Variants in MEIS2 observed in about 807,000 individuals in gnomAD.
MEIS2 encodes the protein Meis homeobox 2.
MEIS2 carries 9 observed loss-of-function variants against 58.6 expected under a neutral mutation model. That is an observed-to-expected ratio of 0.15 (90% confidence interval 0.09 to 0.27). MEIS2 has a LOEUF of 0.27. MEIS2 is among the 10% of genes least tolerant of loss of function. The pLI, the probability that MEIS2 is intolerant of heterozygous loss-of-function variation, is 1.00. For missense variants in MEIS2, 427 were observed against 635.0 expected (o/e 0.67, Z 3.52); for synonymous variants, 221 against 228.4 (o/e 0.97, Z 0.29).
At chr15:36,899,120 A>G (rs961042718) in intron 9 of MEIS2, among the ~76,000 whole-genome samples, 1 of 152,236 alleles carries the variant, frequency 6.6e-6, no homozygotes, top group Non-Finnish European at 1.5e-5. Flanking sequence ...TTCTCAAACA[A>G]TGTTTTTGAT....
intron 7 of MEIS2, among the ~76,000 whole-genome samples, chr15:37,058,785 G>A (rs796794674): frequency 1.3e-5 from 2 of 152,130 alleles, no homozygotes; most frequent in Non-Finnish European, 2.9e-5. Flanking sequence ...CTTTTACTGG[G>A]CATATTATGA....
chr15:37,067,970 T>C (rs1890182134), intron 7 of MEIS2, among the ~76,000 whole-genome samples: 1 of 152,154 alleles, frequency 6.6e-6, no homozygotes, highest in African/African-American at 2.4e-5. Context: ...CTATTATTAT[T>C]ATTCACATTT....
In MEIS2 at chr15:37,098,920, C is replaced by G. The variant is rs189325881; in HGVS notation, c.12+535G>C. ...AGTTACCAGAAACATTATTTAGCAG[C>G]GGATTCCCTGCGTCCTTGTCAATTT... On this transcript the variant is annotated intron_variant, in intron 1 of 11. Transcript: ENST00000561208. 3.0e-6 allele frequency: 3 copies of G among 985,590 alleles called. No homozygotes were observed. In the Admixed American group the frequency reaches 1.8e-4, roughly 61 times the overall value. The allele number at this position is 985,590 out of a possible 1,614,324, so 61.1% of individuals were successfully genotyped here. A position where few individuals can be genotyped will look rare whatever the true frequency, so the allele number is the denominator to read the frequency against.
At chr15:36,894,836 AAGAG>A in intron 11 of MEIS2, 1 of 1,554,382 alleles carries the variant, frequency 6.4e-7, no homozygotes, top group Non-Finnish European at 8.9e-7. Context: ...AAAATCCAAG[AAGAG>A]GCCGGAAAAT....
At chr15:37,009,498 C>A (rs1299014154) in intron 8 of MEIS2, among the ~76,000 whole-genome samples, 2 of 152,098 alleles carry the variant, frequency 1.3e-5, no homozygotes, top group South Asian at 4.1e-4. Flanking sequence ...TGCTAGGATA[C>A]CTAAGTGTTG....
At chr15:37,016,583 A>G (rs2061357006) in intron 8 of MEIS2, among the ~76,000 whole-genome samples, 1 of 152,166 alleles carries the variant, frequency 6.6e-6, no homozygotes, top group African/African-American at 2.4e-5. Flanking sequence ...CCAGGGCCCA[A>G]GATGTTCTTA....
intron 9 of MEIS2, among the ~76,000 whole-genome samples, chr15:36,907,410 A>C (rs900893746): frequency 6.6e-6 from 1 of 152,186 alleles, no homozygotes; most frequent in African/African-American, 2.4e-5. Context: ...GGCAATCTAA[A>C]GCCACTTGGA....
At chr15:37,054,053 C>A (rs2063033672) in intron 7 of MEIS2, among the ~76,000 whole-genome samples, 1 of 152,210 alleles carries the variant, frequency 6.6e-6, no homozygotes, top group South Asian at 2.1e-4. Flanking sequence ...GTAGCACTTT[C>A]CATTACTTAT....
At position 36,891,493 on chromosome 15, in the gene MEIS2, T is replaced by C. The variant is rs2055853610; in HGVS notation, c.*680A>G. 1 of 152,728 alleles carries C rather than the reference T, an allele frequency of 6.5e-6. No individual in the cohort carries two copies. Among genetic ancestry groups the C allele is most frequent in the African/African-American group, 2.4e-5 (1 of 41,456 alleles). 9.5% of individuals were successfully genotyped at this position (152,728 alleles called of 1,614,324 possible). On this transcript the variant is annotated 3_prime_UTR_variant, in exon 12 of 12. Transcript: ENST00000561208. The stretch of plus-strand genomic sequence containing the variant: ...CAGAACTCCTGGAAGAAGCTCCTGC[T>C]CTGTCTTTAAATCTTCATTGGCAAG...
chr15:37,037,494 A>C (rs1209307600), intron 7 of MEIS2, among the ~76,000 whole-genome samples: 4 of 152,090 alleles, frequency 2.6e-5, no homozygotes, highest in Non-Finnish European at 5.9e-5. Context: ...CGGCATTTGC[A>C]TGACATGAAA....
chr15:37,029,175 C>T (rs1053164360), intron 8 of MEIS2, among the ~76,000 whole-genome samples: 9 of 152,254 alleles, frequency 5.9e-5, no homozygotes, highest in African/African-American at 1.9e-4. Context: ...AGGCTAGGGG[C>T]GGCCCCACTA....
chr15:37,047,051 T>A (rs866704657), intron 7 of MEIS2, among the ~76,000 whole-genome samples: 1 of 152,162 alleles, frequency 6.6e-6, no homozygotes, highest in African/African-American at 2.4e-5. Flanking sequence ...TAAAAGAATG[T>A]ACTTGTTACT....
intron 8 of MEIS2, among the ~76,000 whole-genome samples, chr15:36,979,685 T>A (rs982330626): frequency 3.1e-4 from 46 of 147,452 alleles, no homozygotes; most frequent in African/African-American, 9.3e-4. Context: ...TCCATTATTA[T>A]ATATAATATA....
chr15:37,063,118 C>T (rs959484583), intron 7 of MEIS2, among the ~76,000 whole-genome samples: 1 of 152,106 alleles, frequency 6.6e-6, no homozygotes, highest in African/African-American at 2.4e-5. Flanking sequence ...ATAGAAAATA[C>T]CAAAACCCAC....
intron 8 of MEIS2, among the ~76,000 whole-genome samples, chr15:37,013,017 G>A (rs1202186375): frequency 1.3e-5 from 2 of 152,152 alleles, no homozygotes; most frequent in Non-Finnish European, 2.9e-5. Context: ...AAAGAAGGAT[G>A]AGTTCTGGAG....
intron 9 of MEIS2, among the ~76,000 whole-genome samples, chr15:36,926,475 T>G (rs1048321581): frequency 5.3e-5 from 8 of 152,232 alleles, no homozygotes; most frequent in African/African-American, 1.9e-4. Flanking sequence ...AAAATACGTC[T>G]GCATTAAAGC....
rs748998918 is a variant in MEIS2 at position 37,098,053 on chromosome 15, C to A, written c.159G>T (p.Ala53=). ...GCATGACATTGGGGTGCGGGGCGTGCGCGCCGTAGTGCTGTGTGGCGTGGA... is the reference window on the plus strand; with the variant it reads ...GCATGACATTGGGGTGCGGGGCGTGAGCGCCGTAGTGCTGTGTGGCGTGGA... ...PPLHATQHYG[A]HAPHPNVMPA... is the part of the protein sequence containing the mutation. Residue 53 remains alanine (A), a synonymous_variant, in exon 2 of 12, where the codon GCG becomes GCT. Transcript: ENST00000561208. 1 of 1,613,392 alleles carries A rather than the reference C, an allele frequency of 6.2e-7. No homozygotes were observed. Among genetic ancestry groups the A allele is most frequent in the Non-Finnish European group, 8.5e-7 (1 of 1,179,632 alleles).
intron 8 of MEIS2, among the ~76,000 whole-genome samples, chr15:37,020,439 C>T (rs769632514): frequency 4.6e-5 from 7 of 152,178 alleles, no homozygotes; most frequent in Non-Finnish European, 8.8e-5. Flanking sequence ...ACAAACCTTA[C>T]ACATAATCAA....
At chr15:36,918,163 C>T (rs2141287249) in intron 9 of MEIS2, among the ~76,000 whole-genome samples, 1 of 152,288 alleles carries the variant, frequency 6.6e-6, no homozygotes, top group East Asian at 1.9e-4. Flanking sequence ...AATTTCACAT[C>T]TTAGGGATCT....
Sources: allele counts gnomAD v4.1 joint callset (sites outside exome capture counted in the v4.1 genomes callset), GRCh38; gene constraint gnomAD v4.1.1; transcripts MANE v1.5; gene names NCBI Gene and HGNC (gene_info 2026-07-23, HGNC 2026-07-21).